The following RGS20 variants were observed in gnomAD, a reference collection of about 807,000 sequenced individuals.
RGS20 encodes gz-selective GTPase-activating protein.
A neutral mutation model predicts 33.6 loss-of-function variants in RGS20; 30 were observed. The ratio of observed to expected loss-of-function variants is 0.89; its 90% CI spans 0.67 to 1.21. The LOEUF is 1.21. Ranked by LOEUF, RGS20 falls within the 50% of genes most tolerant of loss-of-function variation. The pLI is 0.00. For synonymous variants in RGS20, 208 were observed against 197.9 expected, an observed-to-expected ratio of 1.05 and a Z score of -0.43; for missense variants, 472 against 502.4, an observed-to-expected ratio of 0.94 and a Z score of 0.58.
At chr8:53,879,832 C>T in intron 2 of RGS20, 1 of 439,038 alleles carries the variant, frequency 2.3e-6, no homozygotes, top group Non-Finnish European at 3.9e-6. Context: ...TTTTCCTGGG[C>T]CATTTCCTTT....
intron 2 of RGS20, among the ~76,000 whole-genome samples, chr8:53,894,624 A>G (rs2128818): frequency 0.16 from 24,478 of 152,174 alleles, 5,749 homozygotes; most frequent in African/African-American, 0.52. Flanking sequence ...CAGCTGTGGT[A>G]TGAGGGGCAC....
intron 1 of RGS20, among the ~76,000 whole-genome samples, chr8:53,870,161 C>T (rs1812030394): frequency 6.6e-6 from 1 of 152,174 alleles, no homozygotes; most frequent in South Asian, 2.1e-4. Context: ...TTTCCAACCA[C>T]CATTCTCTCA....
chr8:53,901,062 CTTTTTTT>C (rs367844788), intron 2 of RGS20, among the ~76,000 whole-genome samples: 2 of 131,250 alleles, frequency 1.5e-5, no homozygotes, highest in African/African-American at 3.1e-5. Flanking sequence ...ATACTTGTCT[CTTTTTTT>C]TTTTTTTTTT....
At chr8:53,911,518 T>C (rs1585913016) in intron 2 of RGS20, among the ~76,000 whole-genome samples, 1 of 151,352 alleles carries the variant, frequency 6.6e-6, no homozygotes, top group East Asian at 1.9e-4. Flanking sequence ...TTGAAAATCT[T>C]AGGTAAGATA....
rs1443893654 is a variant in RGS20, at chr8:53,954,231, A to C, written c.899A>C (p.Lys300Thr). ...TGGATGGCCTGTGAGGAACTGAAAA[A>C]GGAAGCTAATAAAAACATTATTGAA... is the stretch of plus-strand genomic sequence containing the variant. The change falls in exon 5 of 6, where the codon AAG becomes ACG. Residue 300 changes from lysine (K) to threonine (T), a missense_variant. Coordinates refer to ENST00000297313, the MANE Select transcript of RGS20 (RefSeq NM_170587.4). The C allele has an allele frequency of 6.2e-7, 1 of 1,613,990 alleles. No individual in the cohort carries two copies. The highest frequency in any genetic ancestry group is 1.7e-5 in the Admixed American group (1 of 60,022).
intron 2 of RGS20, among the ~76,000 whole-genome samples, chr8:53,886,208 T>C (rs1447543034): frequency 2.6e-5 from 4 of 152,156 alleles, no homozygotes; most frequent in African/African-American, 7.2e-5. Context: ...GAATGTTACT[T>C]TGCGCAGCTA....
At position 53,928,831 on chromosome 8, in the gene RGS20, A is replaced by T. The variant is rs1446214820; in HGVS notation, c.511-10745A>T. On this transcript the variant is annotated intron_variant, in intron 2 of 5. Coordinates refer to ENST00000297313, the MANE Select transcript of RGS20 (RefSeq NM_170587.4). ...AGAGTAAAACTCCGTCTCAAAAAAAAAAAAAGATTTTCATGTTCGAAAGAA... is the reference window on the plus strand; with the variant it reads ...AGAGTAAAACTCCGTCTCAAAAAAATAAAAAGATTTTCATGTTCGAAAGAA... 3.3e-5 allele frequency among the ~76,000 whole-genome samples: 5 copies of T among 152,280 alleles called. No homozygotes were observed. The East Asian group carries it at 9.7e-4, about 29-fold the overall frequency.
intron 1 of RGS20, among the ~76,000 whole-genome samples, chr8:53,868,130 C>T (rs1051433703): frequency 6.6e-6 from 1 of 152,168 alleles, no homozygotes; most frequent in Middle Eastern, 3.2e-3. Context: ...GAGTTCAAGT[C>T]AGTAATTCAA....
chr8:53,855,576 C>T (rs533010439), intron 1 of RGS20, among the ~76,000 whole-genome samples: 4 of 152,260 alleles, frequency 2.6e-5, no homozygotes, highest in Middle Eastern at 6.8e-3. Context: ...AAACTATACA[C>T]GTGCACACAC....
At chr8:53,948,060 GTA>G (rs546679095) in intron 4 of RGS20, among the ~76,000 whole-genome samples, 6 of 131,112 alleles carry the variant, frequency 4.6e-5, no homozygotes, top group African/African-American at 8.6e-5. Flanking sequence ...GTAGGATATA[GTA>G]TATATATTTA....
intron 2 of RGS20, among the ~76,000 whole-genome samples, chr8:53,926,776 G>C (rs1030877311): frequency 2.0e-5 from 3 of 152,040 alleles, no homozygotes; most frequent in African/African-American, 7.3e-5. Context: ...GCCAGGTGTG[G>C]TGGTGGGCGC....
chr8:53,878,461 T>G (rs147504631), intron 1 of RGS20, among the ~76,000 whole-genome samples: 6 of 152,250 alleles, frequency 3.9e-5, no homozygotes, highest in Non-Finnish European at 8.8e-5. Flanking sequence ...AATATCTCAT[T>G]GCTTAGGTCT....
chr8:53,872,508 C>G (rs1032901464), intron 1 of RGS20, among the ~76,000 whole-genome samples: 1 of 152,168 alleles, frequency 6.6e-6, no homozygotes, highest in Admixed American at 6.5e-5. Flanking sequence ...GCATCTAGGA[C>G]AGTACCTCAT....
intron 2 of RGS20, among the ~76,000 whole-genome samples, chr8:53,886,111 T>C (rs1429002658): frequency 6.6e-6 from 1 of 152,232 alleles, no homozygotes; most frequent in Non-Finnish European, 1.5e-5. Context: ...AGTCAGCAAC[T>C]AATAGGGCTC....
intron 1 of RGS20, chr8:53,879,179 C>A: frequency 8.6e-7 from 1 of 1,163,498 alleles, no homozygotes; most frequent in Non-Finnish European, 1.3e-6. Flanking sequence ...CTTCAAAATT[C>A]TGTAGTAAAG....
intron 1 of RGS20, among the ~76,000 whole-genome samples, chr8:53,861,904 G>C (rs1811816327): frequency 6.6e-6 from 1 of 152,142 alleles, no homozygotes; most frequent in Non-Finnish European, 1.5e-5. Context: ...CTTTCCCAGA[G>C]CTGCAGTTTT....
intron 3 of RGS20, among the ~76,000 whole-genome samples, chr8:53,945,608 T>C (rs1814451792): frequency 6.6e-6 from 1 of 152,190 alleles, no homozygotes; most frequent in South Asian, 2.1e-4. Context: ...ATATGAATGA[T>C]AGCTCAATAA....
At position 53,869,562 on chromosome 8, in the gene RGS20, G is replaced by A. The variant is rs192106067; in HGVS notation, c.166-9696G>A. Among the ~76,000 whole-genome samples, 210 of 152,196 alleles carry A rather than the reference G, an allele frequency of 1.4e-3. 2 individuals carry two copies. Among genetic ancestry groups the A allele is most frequent in the Non-Finnish European group, 2.1e-3 (142 of 68,014 alleles). ...ATGCTGGCAGGTGCCTGTAGTCCCAGCTACTCGGGAGGCTGAGGCAGGAGA... is the reference window on the plus strand; with the variant it reads ...ATGCTGGCAGGTGCCTGTAGTCCCAACTACTCGGGAGGCTGAGGCAGGAGA... On this transcript the variant is annotated intron_variant, in intron 1 of 5. Coordinates refer to ENST00000297313, the MANE Select transcript of RGS20 (RefSeq NM_170587.4).
chr8:53,906,660 T>G (rs1813188976), intron 2 of RGS20, among the ~76,000 whole-genome samples: 1 of 152,178 alleles, frequency 6.6e-6, no homozygotes, highest in African/African-American at 2.4e-5. Flanking sequence ...CAGGAGGATA[T>G]TCCTGGAATA....
Sources: gnomAD v4.1 joint callset for allele counts (sites outside exome capture counted in the v4.1 genomes callset) on GRCh38, gnomAD v4.1.1 for gene constraint, MANE v1.5 for transcripts, NCBI Gene and HGNC (gene_info 2026-07-23, HGNC 2026-07-21) for gene names.